The following ERLEC1 variants were observed in gnomAD, a reference collection of about 807,000 sequenced individuals.
ERLEC1 encodes the protein ER lectin.
A neutral mutation model predicts 68.0 loss-of-function variants in ERLEC1; 47 were observed. The ratio of observed to expected loss-of-function variants is 0.69; its 90% CI spans 0.55 to 0.88. ERLEC1 has a LOEUF of 0.88. ERLEC1 is among the 40% of genes least tolerant of loss of function. The pLI is 0.00. For missense variants in ERLEC1, 567 were observed against 583.8 expected, an observed-to-expected ratio of 0.97 and a Z score of 0.30; for synonymous variants, 225 against 203.2, an observed-to-expected ratio of 1.11 and a Z score of -0.91.
chr2:53,802,340 T>A (rs887910940), intron 8 of ERLEC1, among the ~76,000 whole-genome samples: 3 of 152,234 alleles, frequency 2.0e-5, no homozygotes, highest in Admixed American at 2.0e-4. Flanking sequence ...TCTTGCCTTC[T>A]CCTGTGTTCT....
At chr2:53,790,097 TG>T (rs1419459012) in intron 1 of ERLEC1, among the ~76,000 whole-genome samples, 1 of 151,732 alleles carries the variant, frequency 6.6e-6, no homozygotes, top group Non-Finnish European at 1.5e-5. Context: ...GCCAGTTGGT[TG>T]GACATTTGTG....
intron 12 of ERLEC1, 29 bp from the exon 13 acceptor site, chr2:53,814,831 A>ACAGTACC (rs778295277): frequency 1.3e-6 from 2 of 1,520,552 alleles, no homozygotes; most frequent in Non-Finnish European, 1.8e-6. Context: ...AATGATTTGG[A>ACAGTACC]CAGTACCTTA....
Position 53,809,066 on chromosome 2 carries a change from A to T in ERLEC1, c.1042-148A>T, listed in dbSNP as rs571655428. ...TGCATATTCTCTGTATTTGTCTTTA[A>T]TTTCTCAGTAATGTTTTCTTTTAAT... On this transcript the variant is annotated intron_variant, in intron 9 of 13. Transcript: ENST00000185150. The T allele has an allele frequency of 1.5e-4, 93 of 622,746 alleles. No homozygotes were observed. In the African/African-American group the frequency reaches 1.6e-3, roughly 11 times the overall value. The allele number at this position is 622,746 out of a possible 1,614,324, so 38.6% of individuals were successfully genotyped here. A position where few individuals can be genotyped will look rare whatever the true frequency, so the allele number is the denominator to read the frequency against.
chr2:53,814,747 A>G, intron 12 of ERLEC1, 113 bp from the exon 13 acceptor site: 1 of 985,940 alleles, frequency 1.0e-6, no homozygotes, highest in Non-Finnish European at 1.5e-6. Flanking sequence ...TATTGATAAA[A>G]TTATATTAAA....
chr2:53,814,635 C>G lies in ERLEC1; in HGVS notation c.1304+15C>G. 6.3e-7 allele frequency: 1 copy of G among 1,586,028 alleles called. No homozygotes were observed. Among genetic ancestry groups the G allele is most frequent in the East Asian group, 2.2e-5 (1 of 44,552 alleles). The stretch of plus-strand genomic sequence containing the variant: ...GTAAAACTAAAGTAAGTTAGACCAT[C>G]AAATCATGCTGTATGCCTTTGTCTT... On this transcript the variant is annotated intron_variant, in intron 12 of 13. Transcript: ENST00000185150.
At chr2:53,795,038 AT>A (rs1675614797) in intron 2 of ERLEC1, among the ~76,000 whole-genome samples, 2 of 152,078 alleles carry the variant, frequency 1.3e-5, no homozygotes, top group South Asian at 4.1e-4. Flanking sequence ...CAAGATAACA[AT>A]TTTTAAATGT....
chr2:53,801,693 G>C lies in ERLEC1; in HGVS notation c.750-20G>C. The C allele has an allele frequency of 6.2e-7, 1 of 1,613,890 alleles. No individual in the cohort carries two copies. The highest frequency in any genetic ancestry group is 2.2e-5 in the East Asian group (1 of 44,872). Reference sequence around the variant, plus strand: ...AAAGTGTTCTGTGCATAGCTTTAATGCTTTGTTCCTACTGAACAGGTTCAG... The same window carrying C: ...AAAGTGTTCTGTGCATAGCTTTAATCCTTTGTTCCTACTGAACAGGTTCAG... On this transcript the variant is annotated intron_variant, in intron 7 of 13. Transcript: ENST00000185150.
intron 1 of ERLEC1, 157 bp downstream of exon 1, chr2:53,787,529 G>T (rs763950068): frequency 1.5e-4 from 127 of 828,124 alleles, no homozygotes; most frequent in Non-Finnish European, 2.1e-4. Flanking sequence ...TCATTCATTC[G>T]TTCGTTCTCA....
chr2:53,804,956 A>C (rs371436922), intron 8 of ERLEC1, among the ~76,000 whole-genome samples: 2 of 146,560 alleles, frequency 1.4e-5, no homozygotes, highest in African/African-American at 5.0e-5. Flanking sequence ...ATGATCTCCA[A>C]TTCCATCCAC....
At chr2:53,810,792 TGA>T (rs1676552488) in intron 10 of ERLEC1, among the ~76,000 whole-genome samples, 1 of 152,338 alleles carries the variant, frequency 6.6e-6, no homozygotes, top group South Asian at 2.1e-4. Flanking sequence ...CACTTAAACC[TGA>T]GAGGTTTCAT....
At chr2:53,797,849 A>T (rs906654904) in intron 5 of ERLEC1, 54 bp downstream of exon 5, 4 of 1,409,012 alleles carry the variant, frequency 2.8e-6, no homozygotes, top group African/African-American at 2.9e-5. Context: ...TTTAAAATAT[A>T]TGTTCAAAAT....
chr2:53,797,621 A>G (rs1675783781), intron 4 of ERLEC1, 29 bp downstream of exon 4: 1 of 1,587,180 alleles, frequency 6.3e-7, no homozygotes, highest in Non-Finnish European at 8.6e-7. Context: ...TATTATTATG[A>G]AACATTATAA....
chr2:53,788,600 G>A (rs1040792948), intron 1 of ERLEC1: 1 of 150,244 alleles, frequency 6.7e-6, no homozygotes, highest in Admixed American at 6.6e-5. Flanking sequence ...GTCTCACTAT[G>A]TTGCCTAGGC....
At chr2:53,787,595 C>G (rs1056761223) in intron 1 of ERLEC1, 1 of 435,502 alleles carries the variant, frequency 2.3e-6, no homozygotes, top group Admixed American at 4.1e-5. Flanking sequence ...ATCACCTGCT[C>G]TCCACCTTTT....
intron 13 of ERLEC1, among the ~76,000 whole-genome samples, chr2:53,816,659 T>C (rs1325530790): frequency 6.6e-6 from 1 of 152,222 alleles, no homozygotes; most frequent in Non-Finnish European, 1.5e-5. Context: ...TAGCTAACGC[T>C]TTTTGTGTTC....
chr2:53,787,777 C>T (rs958532795), intron 1 of ERLEC1, among the ~76,000 whole-genome samples: 3 of 152,226 alleles, frequency 2.0e-5, no homozygotes, highest in African/African-American at 7.2e-5. Flanking sequence ...GCCCACACCA[C>T]AGTACTTCAG....
intron 8 of ERLEC1, among the ~76,000 whole-genome samples, chr2:53,802,236 G>A (rs907490616): frequency 3.3e-5 from 5 of 151,992 alleles, no homozygotes; most frequent in Non-Finnish European, 7.4e-5. Flanking sequence ...TTAATATATT[G>A]TCTTCCATTT....
Position 53,794,349 on chromosome 2 carries a change from C to G in ERLEC1, c.167C>G (p.Thr56Arg), listed in dbSNP as rs775548948. Residue 56 changes from threonine (T) to arginine (R), a missense_variant, in exon 2 of 14, where the codon ACA becomes AGA. Thr to Arg is a moderately conservative substitution (Grantham distance 71). Coordinates refer to ENST00000185150, the MANE Select transcript of ERLEC1 (RefSeq NM_015701.5). ...NWPGTEFSLP[T>R]TGVLYKEDNY... is the part of the protein sequence containing the mutation. ...TGTTTTTTCTTCTATTTGCAGCCCA[C>G]AACTGGAGTTTTATATAAAGAAGAT... 1 of 1,491,094 alleles carries G rather than the reference C, an allele frequency of 6.7e-7. No homozygotes were observed. Among genetic ancestry groups the G allele is most frequent in the Non-Finnish European group, 9.1e-7 (1 of 1,093,152 alleles). The allele number at this position is 1,491,094 out of a possible 1,614,324, so 92.4% of individuals were successfully genotyped here.
intron 13 of ERLEC1, among the ~76,000 whole-genome samples, chr2:53,817,602 T>C (rs530167127): frequency 6.6e-6 from 1 of 152,230 alleles, no homozygotes; most frequent in Admixed American, 6.5e-5. Flanking sequence ...TATTTTGCCA[T>C]AATGTTCTAT....
Sources: gnomAD v4.1 joint callset for allele counts (sites outside exome capture counted in the v4.1 genomes callset) on GRCh38, gnomAD v4.1.1 for gene constraint, MANE v1.5 for transcripts, NCBI Gene and HGNC (gene_info 2026-07-23, HGNC 2026-07-21) for gene names.